The following RIC3 variants were observed in gnomAD, a reference collection of about 807,000 sequenced individuals.
RIC3 encodes protein RIC-3.
Under a neutral mutation model 27.3 loss-of-function variants are expected in RIC3, and 28 were observed. The ratio of observed to expected loss-of-function variants is 1.02; its 90% confidence interval spans 0.76 to 1.41. The LOEUF (loss-of-function observed/expected upper bound fraction) is 1.41. RIC3 is among the 40% of genes most tolerant of loss of function. RIC3 has a pLI of 0.00. For synonymous variants in RIC3, 184 were observed against 160.4 expected (o/e 1.15, Z -1.11); for missense variants, 501 against 444.7 (o/e 1.13, Z -1.14).
At chr11:8,101,595 C>T (rs757279151), downstream of RIC3, 61 of 1,614,098 alleles carry the variant, frequency 3.8e-5, 1 homozygote, top group Non-Finnish European at 4.6e-5. Flanking sequence ...TGTCCAGCTT[C>T]GACAGCAAGC....
chr11:8,094,039 T>C, the RIC3 span: 2 of 1,614,148 alleles, frequency 1.2e-6, no homozygotes, highest in Admixed American at 3.3e-5. Context: ...GGATGTTTCC[T>C]GAGCAGTTCA....
At chr11:8,136,768 A>G (rs573050793) in intron 4 of RIC3, among the ~76,000 whole-genome samples, 10 of 152,346 alleles carry the variant, frequency 6.6e-5, no homozygotes, top group Admixed American at 5.9e-4. Flanking sequence ...AATTATACCT[A>G]TTTTAGACAG....
intron 1 of RIC3, among the ~76,000 whole-genome samples, chr11:8,147,360 A>T (rs2134042341): frequency 6.6e-6 from 1 of 152,236 alleles, no homozygotes; most frequent in East Asian, 1.9e-4. Flanking sequence ...GTTCTAAATT[A>T]ACTGAGATCT....
At chr11:8,141,962 T>C (rs535769899) in intron 1 of RIC3, among the ~76,000 whole-genome samples, 29 of 151,558 alleles carry the variant, frequency 1.9e-4, no homozygotes, top group Non-Finnish European at 3.5e-4. Flanking sequence ...GAAATAAAGA[T>C]GTTCTTTGAA....
chr11:8,107,147 C>T lies in RIC3; in HGVS notation c.*3551G>A, dbSNP rs1944756783. The stretch of plus-strand genomic sequence containing the variant: ...AAAAGGAAGCACATTTTAGAAAAGT[C>T]AATGGTCAAGGCAAAGTCATAAATG... On this transcript the variant is annotated 3_prime_UTR_variant, in exon 6 of 6. Transcript: ENST00000309737. The T allele has an allele frequency of 6.6e-6, 1 of 152,180 alleles. No individual in the cohort carries two copies. The highest frequency in any genetic ancestry group is 2.4e-5 in the African/African-American group (1 of 41,426). The allele number at this position is 152,180 out of a possible 1,614,324, so 9.4% of individuals were successfully genotyped here. A position where few individuals can be genotyped will look rare whatever the true frequency, so the allele number is the denominator to read the frequency against.
downstream of RIC3, chr11:8,102,764 G>A (rs1944359830): frequency 6.6e-6 from 1 of 152,238 alleles, no homozygotes; most frequent in Non-Finnish European, 1.5e-5. Context: ...TAGGAATCTA[G>A]TACAACCTTG....
Position 8,110,655 on chromosome 11 carries a change from T to C in RIC3, c.*43A>G. ...AGAAGGAAATCTGAGGAGAGAGAGG[T>C]CACCTTGGGACTTGAGTAATGGATA... is the stretch of plus-strand genomic sequence containing the variant. On this transcript the variant is annotated 3_prime_UTR_variant, in exon 6 of 6. Transcript: ENST00000309737. 6.4e-7 allele frequency: 1 copy of C among 1,558,762 alleles called. No homozygotes were observed. The highest frequency in any genetic ancestry group is 2.2e-5 in the East Asian group (1 of 44,608).
chr11:8,098,809 T>C, the RIC3 span: 1 of 1,614,140 alleles, frequency 6.2e-7, no homozygotes. Context: ...GAGTCAACCC[T>C]CAGAAGGCCT....
At chr11:8,145,628 G>C (rs1309809632) in intron 1 of RIC3, among the ~76,000 whole-genome samples, 10 of 152,266 alleles carry the variant, frequency 6.6e-5, no homozygotes, top group Non-Finnish European at 2.9e-5. Context: ...GTGAGTGGAA[G>C]AGCAGGGCTT....
downstream of RIC3, chr11:8,104,862 T>TAAGAGAACTTTCGG (rs1458424501): frequency 6.6e-6 from 1 of 150,852 alleles, no homozygotes; most frequent in African/African-American, 2.4e-5. Flanking sequence ...TCAGAAGCTA[T>TAAGAGAACTTTCGG]AAGAGAACTT....
intron 1 of RIC3, among the ~76,000 whole-genome samples, chr11:8,154,905 T>A (rs1302804418): frequency 6.6e-6 from 1 of 152,146 alleles, no homozygotes; most frequent in Non-Finnish European, 1.5e-5. Flanking sequence ...CATGACTAAA[T>A]CCTAATTGTT....
intron 1 of RIC3, among the ~76,000 whole-genome samples, chr11:8,145,637 T>C (rs574997719): frequency 6.6e-6 from 1 of 152,002 alleles, no homozygotes; most frequent in Non-Finnish European, 1.5e-5. Context: ...AGAGCAGGGC[T>C]TGTGGGGAGG....
intron 4 of RIC3, chr11:8,135,837 G>A (rs1303679453): frequency 6.6e-6 from 1 of 152,104 alleles, no homozygotes; most frequent in Non-Finnish European, 1.5e-5. Context: ...CCAGACTGTA[G>A]GTGGCAGCTA....
chr11:8,120,923 G>A (rs1370692006), intron 5 of RIC3, among the ~76,000 whole-genome samples: 1 of 152,038 alleles, frequency 6.6e-6, no homozygotes, highest in Non-Finnish European at 1.5e-5. Flanking sequence ...AACAATTTGT[G>A]TACAGGTGAA....
chr11:8,100,773 G>T, the RIC3 span: 1 of 1,604,044 alleles, frequency 6.2e-7, no homozygotes. Flanking sequence ...CCTTTCTGGG[G>T]TGGTCATGGT....
At chr11:8,134,617 G>A (rs1948141375) in intron 4 of RIC3, among the ~76,000 whole-genome samples, 1 of 152,160 alleles carries the variant, frequency 6.6e-6, no homozygotes, top group South Asian at 2.1e-4. Flanking sequence ...CATCAACAGT[G>A]TAAAAGTGTT....
chr11:8,142,305 G>A (rs1324694317), intron 1 of RIC3, among the ~76,000 whole-genome samples: 1 of 145,248 alleles, frequency 6.9e-6, no homozygotes, highest in East Asian at 2.0e-4. Context: ...AAAAAAGAGA[G>A]AAGAATCAAA....
chr11:8,158,147 T>C (rs1021232102), intron 1 of RIC3, among the ~76,000 whole-genome samples: 1 of 152,194 alleles, frequency 6.6e-6, no homozygotes, highest in African/African-American at 2.4e-5. Flanking sequence ...CATACATGTA[T>C]ATGTGTATAT....
intron 5 of RIC3, among the ~76,000 whole-genome samples, chr11:8,119,559 G>A (rs1348104056): frequency 6.6e-6 from 1 of 152,180 alleles, no homozygotes; most frequent in Non-Finnish European, 1.5e-5. Context: ...ATGGATTAAA[G>A]ACTTAAATGT....
Sources: gnomAD v4.1 joint callset for allele counts (sites outside exome capture counted in the v4.1 genomes callset) on GRCh38, gnomAD v4.1.1 for gene constraint, MANE v1.5 for transcripts, NCBI Gene and HGNC (gene_info 2026-07-23, HGNC 2026-07-21) for gene names.